Variants in GTF3C2 observed in about 807,000 individuals in gnomAD.
GTF3C2 encodes the protein general transcription factor IIIC subunit 2, also known as general transcription factor 3C polypeptide 2.
GTF3C2 carries 17 observed loss-of-function variants against 117.4 expected under a neutral mutation model. The observed-to-expected ratio is 0.14, with a 90% confidence interval of 0.10 to 0.22. The LOEUF (loss-of-function observed/expected upper bound fraction) is 0.22, where lower values mean the gene tolerates loss of function less well. Ranked by LOEUF, GTF3C2 falls within the 10% of genes least tolerant of loss-of-function variation. The pLI, the probability that GTF3C2 is intolerant of heterozygous loss-of-function variation, is 1.00. For synonymous variants in GTF3C2, 437 were observed against 427.0 expected (o/e 1.02, Z -0.29); for missense variants, 888 against 1,143.6 (o/e 0.78, Z 3.22).
intron 1 of GTF3C2, chr2:27,356,208 G>T (rs1681371158): frequency 1.4e-6 from 1 of 736,088 alleles, no homozygotes; most frequent in Non-Finnish European, 2.1e-6. Flanking sequence ...AACACAACTG[G>T]CCCTTGGTTA....
intron 15 of GTF3C2, 39 bp from the exon 16 acceptor site, chr2:27,328,635 A>G (rs1159561190): frequency 6.4e-7 from 1 of 1,554,836 alleles, no homozygotes; most frequent in Non-Finnish European, 8.9e-7. Flanking sequence ...TCATATATTC[A>G]TTCAGAGCTA....
In GTF3C2 at chr2:27,327,354, G is replaced by A. The variant is rs566023587; in HGVS notation, c.2410-70C>T. ...TTTGTTTTTTTTAAGACGGAGTCTC[G>A]CTCTGTCACCCAGGCTGGAGTGCAG... On this transcript the variant is annotated intron_variant, in intron 17 of 18. Coordinates refer to ENST00000264720, the Ensembl canonical transcript of GTF3C2. 377 of 778,314 alleles carry A rather than the reference G, an allele frequency of 4.8e-4. 1 individual carries two copies. Among genetic ancestry groups the A allele is most frequent in the Non-Finnish European group, 7.0e-4 (324 of 462,006 alleles). The allele number at this position is 778,314 out of a possible 1,614,324, so 48.2% of individuals were successfully genotyped here.
chr2:27,342,823 T>C lies in GTF3C2; in HGVS notation c.569+3A>G. Reference sequence around the variant, plus strand: ...CCACCAAGCTATGCCCCACAATCCTTACACTTGGGCAGCCCTTCGGCGGGG... The same window carrying C: ...CCACCAAGCTATGCCCCACAATCCTCACACTTGGGCAGCCCTTCGGCGGGG... On this transcript the variant is annotated splice_donor_region_variant and intron_variant, in intron 3 of 18. Transcript: ENST00000264720. 2 of 1,610,544 alleles carry C rather than the reference T, an allele frequency of 1.2e-6. No homozygotes were observed. Among genetic ancestry groups the C allele is most frequent in the Non-Finnish European group, 1.7e-6 (2 of 1,177,770 alleles).
At position 27,326,615 on chromosome 2, in the gene GTF3C2, G is replaced by A; in HGVS notation, c.*60C>T. 11 of 1,267,042 alleles carry A rather than the reference G, an allele frequency of 8.7e-6. No individual in the cohort carries two copies. The South Asian group carries it at 1.2e-4, about 14-fold the overall frequency. The allele number at this position is 1,267,042 out of a possible 1,614,324, so 78.5% of individuals were successfully genotyped here. On this transcript the variant is annotated 3_prime_UTR_variant, in exon 19 of 19. Transcript: ENST00000264720. ...GAAGGCCCCCAGTTCCTATGGCTCT[G>A]TGCATAGGGGCCATTTGTTCTTGAC...
chr2:27,330,242 G>A (rs1680232028), intron 12 of GTF3C2, among the ~76,000 whole-genome samples: 1 of 151,572 alleles, frequency 6.6e-6, no homozygotes, highest in Admixed American at 6.6e-5. Context: ...TGGATCACTT[G>A]AGGTCAGGAG....
intron 4 of GTF3C2, among the ~76,000 whole-genome samples, chr2:27,338,459 C>T (rs543093257): frequency 6.1e-4 from 29 of 47,320 alleles, no homozygotes; most frequent in African/African-American, 5.1e-3. Flanking sequence ...CGCGCACGCG[C>T]GCACACACAC....
chr2:27,353,002 T>C (rs2148345016), intron 1 of GTF3C2, among the ~76,000 whole-genome samples: 1 of 152,344 alleles, frequency 6.6e-6, no homozygotes, highest in South Asian at 2.1e-4. Context: ...ACTCACCTCT[T>C]TTGTCTTTCT....
At chr2:27,327,955 G>A (rs1204843819) in intron 17 of GTF3C2, 82 bp downstream of exon 17, 11 of 1,171,962 alleles carry the variant, frequency 9.4e-6, no homozygotes, top group Non-Finnish European at 1.3e-5. Context: ...TCTTTGTGCT[G>A]AACTCAGGCT....
Position 27,336,031 on chromosome 2 carries a change from G to GGA in GTF3C2, c.1356-5_1356-4dup, listed in dbSNP as rs555754943. 12 of 1,591,382 alleles carry GGA rather than the reference G, an allele frequency of 7.5e-6. No individual in the cohort carries two copies. In the Admixed American group the frequency reaches 8.3e-5, roughly 11 times the overall value. ...CAAAGTGGGCCCTGTTGCCAGGACT[G>GGA]GAGAGAGAGAGCATGTGGGGATGGT... On this transcript the variant is annotated splice_polypyrimidine_tract_variant and splice_region_variant and intron_variant, in intron 8 of 18. Coordinates refer to ENST00000264720, the Ensembl canonical transcript of GTF3C2.
intron 1 of GTF3C2, among the ~76,000 whole-genome samples, chr2:27,352,656 G>C (rs1165434577): frequency 6.6e-6 from 1 of 151,876 alleles, no homozygotes; most frequent in Non-Finnish European, 1.5e-5. Context: ...AAACTTTTAA[G>C]ACATAAATAA....
In GTF3C2 at chr2:27,336,039, A is replaced by G. The variant is rs201517047; in HGVS notation, c.1356-11T>C. The G allele has an allele frequency of 6.4e-7, 1 of 1,574,344 alleles. No individual in the cohort carries two copies. ...GCCCTGTTGCCAGGACTGGAGAGAGAGAGCATGTGGGGATGGTGGGTAGGA... is the reference window on the plus strand; with the variant it reads ...GCCCTGTTGCCAGGACTGGAGAGAGGGAGCATGTGGGGATGGTGGGTAGGA... On this transcript the variant is annotated splice_polypyrimidine_tract_variant and intron_variant, in intron 8 of 18. Transcript: ENST00000264720.
chr2:27,328,238 A>G (rs773603728), intron 16 of GTF3C2, 49 bp from the exon 17 acceptor site: 1 of 1,440,250 alleles, frequency 6.9e-7, no homozygotes. Context: ...AAGACAGAAT[A>G]AAAGCAGAGG....
chr2:27,351,434 T>C (rs928355138), intron 1 of GTF3C2, among the ~76,000 whole-genome samples: 3 of 151,738 alleles, frequency 2.0e-5, no homozygotes, highest in African/African-American at 4.8e-5. Context: ...AATAAAATAA[T>C]AACAAAACAT....
At chr2:27,327,551 T>G (rs1354119263) in intron 17 of GTF3C2, among the ~76,000 whole-genome samples, 1 of 151,366 alleles carries the variant, frequency 6.6e-6, no homozygotes, top group Non-Finnish European at 1.5e-5. Context: ...CTTGAACTCC[T>G]GACCTCAGGT....
At chr2:27,325,878 C>A in exon 19 of GTF3C2, 1 of 177,434 alleles carries the variant, frequency 5.6e-6, no homozygotes, top group Non-Finnish European at 1.2e-5. Context: ...GATATTTAAT[C>A]TAGAGAAGAT....
At chr2:27,355,600 T>C (rs138046124) in intron 1 of GTF3C2, among the ~76,000 whole-genome samples, 78 of 152,082 alleles carry the variant, frequency 5.1e-4, no homozygotes, top group African/African-American at 1.5e-3. Context: ...AGTAAAGGAA[T>C]AGATGATCAG....
At chr2:27,336,089 G>C (rs1680465621) in intron 8 of GTF3C2, 61 bp from the exon 9 acceptor site, 1 of 1,401,696 alleles carries the variant, frequency 7.1e-7, no homozygotes, top group Admixed American at 1.7e-5. Context: ...GCTGCCAGAG[G>C]TAAGCTCCCC....
rs374927574 is a variant in GTF3C2 at position 27,336,053 on chromosome 2, T to C, written c.1356-25A>G. The C allele has an allele frequency of 3.9e-6, 6 of 1,523,474 alleles. No individual in the cohort carries two copies. In the African/African-American group the frequency reaches 6.8e-5, roughly 17 times the overall value. The allele number at this position is 1,523,474 out of a possible 1,614,324, so 94.4% of individuals were successfully genotyped here. ...ACTGGAGAGAGAGAGCATGTGGGGA[T>C]GGTGGGTAGGAAGAAGGGACGCAGG... is the stretch of plus-strand genomic sequence containing the variant. On this transcript the variant is annotated intron_variant, in intron 8 of 18. Coordinates refer to ENST00000264720, the Ensembl canonical transcript of GTF3C2.
chr2:27,340,940 C>G (rs1282627415), intron 4 of GTF3C2: 2 of 151,156 alleles, frequency 1.3e-5, no homozygotes, highest in Non-Finnish European at 2.9e-5. Context: ...TGTCTTCTGT[C>G]AACTATAGTT....
Sources: allele counts gnomAD v4.1 joint callset (sites outside exome capture counted in the v4.1 genomes callset), GRCh38; gene constraint gnomAD v4.1.1; transcripts MANE v1.5; gene names NCBI Gene and HGNC (gene_info 2026-07-23, HGNC 2026-07-21).